The following SUGCT variants were observed in gnomAD, a reference collection of about 807,000 sequenced individuals.
SUGCT encodes the protein succinyl-CoA:glutarate-CoA transferase, also known as succinyl-CoA:glutarate CoA-transferase.
Under a neutral mutation model 55.0 loss-of-function variants are expected in SUGCT, and 41 were observed. The ratio of observed to expected loss-of-function variants is 0.74; its 90% confidence interval spans 0.58 to 0.97. The LOEUF (loss-of-function observed/expected upper bound fraction) is 0.97. Ranked by LOEUF, SUGCT falls within the 50% of genes least tolerant of loss-of-function variation. The probability of loss-of-function intolerance (pLI) is 0.00; values close to 1 mark genes in which losing one functional copy is unlikely to be tolerated. For synonymous variants in SUGCT, 187 were observed against 200.4 expected, an observed-to-expected ratio of 0.93 and a Z score of 0.56; for missense variants, 568 against 547.8, an observed-to-expected ratio of 1.04 and a Z score of -0.37.
At chr7:40,210,401 G>A (rs929207108) in intron 6 of SUGCT, among the ~76,000 whole-genome samples, 1 of 151,718 alleles carries the variant, frequency 6.6e-6, no homozygotes, top group African/African-American at 2.4e-5. Context: ...CCTCAGTTGT[G>A]TTTCAAACCC....
chr7:40,622,528 G>GTTTT (rs370877783), intron 12 of SUGCT, among the ~76,000 whole-genome samples: 2,028 of 80,818 alleles, frequency 0.025, 35 homozygotes, highest in African/African-American at 0.068. Flanking sequence ...TGTTGTGGTT[G>GTTTT]TTTTTTTTTT....
chr7:40,719,289 C>T (rs1350868665), intron 12 of SUGCT, among the ~76,000 whole-genome samples: 1 of 152,192 alleles, frequency 6.6e-6, no homozygotes, highest in Non-Finnish European at 1.5e-5. Context: ...TAATCTTTTT[C>T]ACATTCTGTT....
At chr7:40,727,540 A>C (rs113998530) in intron 12 of SUGCT, among the ~76,000 whole-genome samples, 1 of 152,170 alleles carries the variant, frequency 6.6e-6, no homozygotes, top group Non-Finnish European at 1.5e-5. Context: ...TGTGTACTTC[A>C]TGTCTGATAT....
At chr7:40,922,770 GT>G in the SUGCT span, among the ~76,000 whole-genome samples, 1 of 152,214 alleles carries the variant, frequency 6.6e-6, no homozygotes, top group African/African-American at 2.4e-5. Context: ...GGTGAGTGGA[GT>G]TTTACCTTGC....
At chr7:40,852,679 G>A (rs562796649) in intron 13 of SUGCT, among the ~76,000 whole-genome samples, 22 of 149,342 alleles carry the variant, frequency 1.5e-4, no homozygotes, top group African/African-American at 3.7e-4. Context: ...CCCACTGTTC[G>A]TATTGATAGC....
At chr7:40,715,915 G>A (rs564580879) in intron 12 of SUGCT, among the ~76,000 whole-genome samples, 5 of 152,228 alleles carry the variant, frequency 3.3e-5, no homozygotes, top group African/African-American at 1.2e-4. Context: ...CTCTCCATCA[G>A]GAAAGTAAGG....
intron 8 of SUGCT, among the ~76,000 whole-genome samples, chr7:40,277,152 G>A (rs75643806): frequency 0.017 from 2,518 of 152,202 alleles, 58 homozygotes; most frequent in African/African-American, 0.058. Context: ...TTGTACTACA[G>A]TTAACTCAGA....
chr7:40,622,758 G>A (rs904749075), intron 12 of SUGCT, among the ~76,000 whole-genome samples: 1 of 151,922 alleles, frequency 6.6e-6, no homozygotes, highest in Admixed American at 6.6e-5. Flanking sequence ...GGCTGTCGGG[G>A]TGGGAAGATC....
chr7:40,706,293 G>A (rs2128666868), intron 12 of SUGCT, among the ~76,000 whole-genome samples: 1 of 152,254 alleles, frequency 6.6e-6, no homozygotes, highest in Non-Finnish European at 1.5e-5. Flanking sequence ...GATCACTTGA[G>A]GCCAGGAGTT....
rs116582634 is a variant in SUGCT at position 40,776,371 on chromosome 7, T to C, written c.1153+26874T>C. 8.9e-3 allele frequency among the ~76,000 whole-genome samples: 1,361 copies of C among 152,288 alleles called. 17 individuals are homozygous for C. Among genetic ancestry groups the C allele is most frequent in the African/African-American group, 0.031 (1,304 of 41,550 alleles). On this transcript the variant is annotated intron_variant, in intron 13 of 13. Coordinates refer to ENST00000335693, the MANE Select transcript of SUGCT (RefSeq NM_001193313.2). The stretch of plus-strand genomic sequence containing the variant: ...AGTTTTGTGGGGTTTTGTTGGTGTC[T>C]TTTTTTGTTTGTATTTTAGGACATA...
At chr7:40,349,132 G>A (rs1797477733) in intron 9 of SUGCT, among the ~76,000 whole-genome samples, 1 of 152,176 alleles carries the variant, frequency 6.6e-6, no homozygotes, top group Non-Finnish European at 1.5e-5. Context: ...ACAATGGTAA[G>A]TAATAATAGC....
At chr7:40,241,233 C>T (rs969505049) in intron 7 of SUGCT, among the ~76,000 whole-genome samples, 9 of 151,882 alleles carry the variant, frequency 5.9e-5, no homozygotes, top group African/African-American at 2.2e-4. Flanking sequence ...AACTTTTTTT[C>T]CTATAGTGTT....
intron 12 of SUGCT, among the ~76,000 whole-genome samples, chr7:40,741,555 C>A (rs1344131857): frequency 2.0e-5 from 3 of 151,988 alleles, no homozygotes; most frequent in Admixed American, 1.3e-4. Context: ...TTGTCATTAC[C>A]CAACAAGTGA....
intron 12 of SUGCT, chr7:40,547,007 T>G (rs755326667): frequency 2.6e-5 from 4 of 152,132 alleles, no homozygotes; most frequent in Non-Finnish European, 5.9e-5. Flanking sequence ...GAGATATATC[T>G]CCTATTGCTT....
chr7:40,155,611 T>TA (rs1430502986), intron 1 of SUGCT, among the ~76,000 whole-genome samples: 3 of 152,172 alleles, frequency 2.0e-5, no homozygotes, highest in Non-Finnish European at 2.9e-5. Flanking sequence ...TGACATTGTA[T>TA]ACAGAAGACA....
chr7:40,649,820 A>T (rs1243149371), intron 12 of SUGCT, among the ~76,000 whole-genome samples: 1 of 152,244 alleles, frequency 6.6e-6, no homozygotes, highest in Non-Finnish European at 1.5e-5. Context: ...TCAAAGAGTC[A>T]CTTACTATTT....
At chr7:40,593,938 A>G (rs998325907) in intron 12 of SUGCT, among the ~76,000 whole-genome samples, 5 of 152,174 alleles carry the variant, frequency 3.3e-5, no homozygotes, top group Non-Finnish European at 7.3e-5. Context: ...ATGTCCAACA[A>G]TGATAGACTG....
chr7:40,156,674 A>G (rs966197432), intron 1 of SUGCT, among the ~76,000 whole-genome samples: 4 of 152,132 alleles, frequency 2.6e-5, no homozygotes, highest in African/African-American at 9.7e-5. Flanking sequence ...CTCTGCAGAA[A>G]GGGTTTGAAA....
the SUGCT span, among the ~76,000 whole-genome samples, chr7:40,896,880 CA>C: frequency 6.6e-6 from 1 of 152,092 alleles, no homozygotes; most frequent in Non-Finnish European, 1.5e-5. Flanking sequence ...TATGAAACCG[CA>C]AAAGTCCTCA....
Sources: gnomAD v4.1 joint callset for allele counts (sites outside exome capture counted in the v4.1 genomes callset) on GRCh38, gnomAD v4.1.1 for gene constraint, MANE v1.5 for transcripts, NCBI Gene and HGNC (gene_info 2026-07-23, HGNC 2026-07-21) for gene names.